Variants in IWS1 observed in about 807,000 individuals in gnomAD.
The protein encoded by IWS1 is protein IWS1 homolog.
IWS1 carries 27 observed loss-of-function variants against 86.7 expected under a neutral mutation model. That is an observed-to-expected ratio of 0.31 (90% CI 0.23 to 0.43). IWS1 has a LOEUF of 0.43. Ranked by LOEUF, IWS1 falls within the 20% of genes least tolerant of loss-of-function variation. The probability of loss-of-function intolerance (pLI) is 1.00; values close to 1 mark genes in which losing one functional copy is unlikely to be tolerated. For synonymous variants in IWS1, 313 were observed against 335.1 expected, an observed-to-expected ratio of 0.93 and a Z score of 0.72; for missense variants, 827 against 1,000.8, an observed-to-expected ratio of 0.83 and a Z score of 2.34.
At chr2:127,492,557 A>C (rs898326430) in intron 9 of IWS1, among the ~76,000 whole-genome samples, 11 of 152,236 alleles carry the variant, frequency 7.2e-5, no homozygotes, top group African/African-American at 2.6e-4. Context: ...AAAAAAAAAA[A>C]AAACAAAAAG....
At chr2:127,520,486 T>C (rs1692036695) in intron 2 of IWS1, among the ~76,000 whole-genome samples, 2 of 152,174 alleles carry the variant, frequency 1.3e-5, no homozygotes, top group African/African-American at 2.4e-5. Flanking sequence ...CTTCATTTAA[T>C]GCAACCGTAC....
At chr2:127,502,907 C>T in intron 4 of IWS1, 35 bp from the exon 5 acceptor site, 1 of 1,229,424 alleles carries the variant, frequency 8.1e-7, no homozygotes, top group Non-Finnish European at 1.2e-6. Flanking sequence ...CATTCATTTG[C>T]TTTATCCTCA....
At chr2:127,500,953 C>T (rs1375269327) in intron 5 of IWS1, among the ~76,000 whole-genome samples, 1 of 152,198 alleles carries the variant, frequency 6.6e-6, no homozygotes, top group African/African-American at 2.4e-5. Context: ...CATTCATACA[C>T]ATTTGCAAAG....
At chr2:127,519,439 T>C (rs1691963608) in intron 2 of IWS1, among the ~76,000 whole-genome samples, 1 of 152,132 alleles carries the variant, frequency 6.6e-6, no homozygotes, top group South Asian at 2.1e-4. Flanking sequence ...CAAAATCTTA[T>C]CAGTATTTCC....
At chr2:127,526,105 G>T in intron 1 of IWS1, 70 bp downstream of exon 1, 1 of 1,474,266 alleles carries the variant, frequency 6.8e-7, no homozygotes, top group South Asian at 1.2e-5. Context: ...CCCACCCGCG[G>T]GGTGCCAGGC....
At chr2:127,500,847 C>A (rs191830265) in intron 5 of IWS1, among the ~76,000 whole-genome samples, 5 of 152,072 alleles carry the variant, frequency 3.3e-5, no homozygotes, top group African/African-American at 7.2e-5. Flanking sequence ...ACTTTCCCCC[C>A]CTATTAGTTT....
intron 10 of IWS1, among the ~76,000 whole-genome samples, chr2:127,490,218 T>C (rs59934067): frequency 0.12 from 18,513 of 152,220 alleles, 1,807 homozygotes; most frequent in African/African-American, 0.25. Flanking sequence ...ATTAGCTGGA[T>C]TGACATTTCA....
chr2:127,503,596 T>C lies in IWS1; in HGVS notation c.1220-20A>G, dbSNP rs1410440890. The stretch of plus-strand genomic sequence containing the variant: ...TTGCTGCTGTTGAAAAAGAAAATCA[T>C]CATTAATTTTATTTTATCACAGCCA... On this transcript the variant is annotated intron_variant, in intron 3 of 13. Coordinates refer to ENST00000295321, the MANE Select transcript of IWS1 (RefSeq NM_017969.3). The C allele has an allele frequency of 5.2e-6, 8 of 1,546,424 alleles. No individual in the cohort carries two copies. The highest frequency in any genetic ancestry group is 7.0e-6 in the Non-Finnish European group (8 of 1,143,078).
At chr2:127,506,536 G>A (rs1467289431) in intron 2 of IWS1, among the ~76,000 whole-genome samples, 5 of 151,986 alleles carry the variant, frequency 3.3e-5, no homozygotes, top group Admixed American at 1.3e-4. Flanking sequence ...AATAACATAT[G>A]GGCACCTTCT....
At chr2:127,486,748 C>T (rs749000177) in intron 12 of IWS1, 84 bp from the exon 13 acceptor site, 13 of 1,008,784 alleles carry the variant, frequency 1.3e-5, no homozygotes, top group Non-Finnish European at 2.0e-5. Context: ...CCTGTTCCTA[C>T]ATCCACCCAT....
In IWS1 at chr2:127,489,967, AT is replaced by A; in HGVS notation, c.2048-25del. On this transcript the variant is annotated intron_variant, in intron 10 of 13. Coordinates refer to ENST00000295321, the MANE Select transcript of IWS1 (RefSeq NM_017969.3). This position sits in a 1 kb window ranked among gnomAD's most constrained non-coding sequence, Gnocchi z 4.8. Reference sequence around the variant, plus strand: ...ATCTGTAGTAAGAAAAAAATCAATTATTTTGTCCATAAAATTGCATTTCCAT... The same window carrying A: ...ATCTGTAGTAAGAAAAAAATCAATTATTTGTCCATAAAATTGCATTTCCAT... 1 of 1,306,376 alleles carries A rather than the reference AT, an allele frequency of 7.7e-7. No individual in the cohort carries two copies. The highest frequency in any genetic ancestry group is 1.1e-6 in the Non-Finnish European group (1 of 902,958). The allele number at this position is 1,306,376 out of a possible 1,614,324, so 80.9% of individuals were successfully genotyped here.
chr2:127,526,577 A>G (rs935473941), upstream of IWS1: 15 of 1,386,278 alleles, frequency 1.1e-5, no homozygotes, highest in Admixed American at 8.7e-5. Flanking sequence ...GACGCCAGGC[A>G]CGGCCGGAAA....
At chr2:127,500,843 C>T (rs1690763449) in intron 5 of IWS1, among the ~76,000 whole-genome samples, 2 of 151,972 alleles carry the variant, frequency 1.3e-5, no homozygotes, top group Admixed American at 6.6e-5. Context: ...TTCCACTTTC[C>T]CCCCCTATTA....
At chr2:127,503,807 A>T (rs1271677427) in intron 3 of IWS1, among the ~76,000 whole-genome samples, 1 of 152,180 alleles carries the variant, frequency 6.6e-6, no homozygotes, top group African/African-American at 2.4e-5. Context: ...ATTTTGCTTA[A>T]GAAAAACTGG....
At chr2:127,501,151 G>A (rs959636927) in intron 5 of IWS1, among the ~76,000 whole-genome samples, 2 of 151,798 alleles carry the variant, frequency 1.3e-5, no homozygotes, top group Non-Finnish European at 1.5e-5. Flanking sequence ...ATTCTTTCTT[G>A]CATTTCTTTC....
intron 3 of IWS1, among the ~76,000 whole-genome samples, chr2:127,503,870 G>C (rs1200298549): frequency 1.3e-5 from 2 of 152,016 alleles, no homozygotes; most frequent in Non-Finnish European, 2.9e-5. Context: ...CTTTCCTTTT[G>C]GGAAATCGAG....
At chr2:127,523,912 T>C (rs1436656931) in intron 1 of IWS1, 121 bp from the exon 2 acceptor site, 9 of 662,314 alleles carry the variant, frequency 1.4e-5, no homozygotes, top group East Asian at 1.3e-4. Flanking sequence ...AAGCATTAAC[T>C]AAAGTTGCTA....
In IWS1 at chr2:127,489,983, T is replaced by G. The variant is rs767672707; in HGVS notation, c.2048-40A>C. 4.4e-6 allele frequency: 5 copies of G among 1,140,364 alleles called. No homozygotes were observed. 70.6% of individuals were successfully genotyped at this position (1,140,364 alleles called of 1,614,324 possible). Reference sequence around the variant, plus strand: ...AAATCAATTATTTTGTCCATAAAATTGCATTTCCATTTTTTTCAAATAATT... The same window carrying G: ...AAATCAATTATTTTGTCCATAAAATGGCATTTCCATTTTTTTCAAATAATT... On this transcript the variant is annotated intron_variant, in intron 10 of 13. Transcript: ENST00000295321. This position sits in a 1 kb window ranked among gnomAD's most constrained non-coding sequence, Gnocchi z 4.8.
chr2:127,508,084 A>C (rs1267007979), intron 2 of IWS1, among the ~76,000 whole-genome samples: 1 of 152,172 alleles, frequency 6.6e-6, no homozygotes. Context: ...CTCAACGTGT[A>C]TTTGTTAAAT....
Sources: allele counts gnomAD v4.1 joint callset (sites outside exome capture counted in the v4.1 genomes callset), GRCh38; gene constraint gnomAD v4.1.1; non-coding constraint Gnocchi (gnomAD v3.1); transcripts MANE v1.5; gene names NCBI Gene and HGNC (gene_info 2026-07-23, HGNC 2026-07-21).